Variants in FBXL17 observed in about 807,000 individuals in gnomAD.
The protein encoded by FBXL17 is F-box and leucine rich repeat protein 17.
Under a neutral mutation model 66.2 loss-of-function variants are expected in FBXL17, and 22 were observed. The ratio of observed to expected loss-of-function variants is 0.33; its 90% CI spans 0.24 to 0.47. The LOEUF (loss-of-function observed/expected upper bound fraction) is 0.47. FBXL17 is among the 20% of genes least tolerant of loss of function. The probability of loss-of-function intolerance (pLI) is 1.00; values close to 1 mark genes in which losing one functional copy is unlikely to be tolerated. For missense variants in FBXL17, 878 were observed against 948.2 expected (o/e 0.93, Z 0.97); for synonymous variants, 474 against 400.5 (o/e 1.18, Z -2.19).
chr5:108,026,442 G>A (rs1327656278), intron 6 of FBXL17, among the ~76,000 whole-genome samples: 3 of 152,012 alleles, frequency 2.0e-5, no homozygotes, highest in African/African-American at 7.3e-5. Context: ...CAATCCTATT[G>A]ACAACACAAT....
intron 7 of FBXL17, among the ~76,000 whole-genome samples, chr5:107,974,568 A>G (rs1201296533): frequency 1.3e-5 from 2 of 152,162 alleles, no homozygotes; most frequent in African/African-American, 4.8e-5. Context: ...TAACACACCT[A>G]GAGACAATTA....
At chr5:108,071,077 A>C (rs1377530541) in intron 6 of FBXL17, among the ~76,000 whole-genome samples, 1 of 152,250 alleles carries the variant, frequency 6.6e-6, no homozygotes, top group Non-Finnish European at 1.5e-5. Flanking sequence ...CTTGAGATAA[A>C]ATAAAAGAAC....
At chr5:108,326,400 C>A (rs1222039420) in intron 4 of FBXL17, among the ~76,000 whole-genome samples, 1 of 151,878 alleles carries the variant, frequency 6.6e-6, no homozygotes, top group Admixed American at 6.6e-5. Context: ...CAAGACCAGC[C>A]TGGCCAATAT....
intron 4 of FBXL17, among the ~76,000 whole-genome samples, chr5:108,323,964 G>A (rs887659240): frequency 2.6e-5 from 4 of 151,854 alleles, no homozygotes; most frequent in African/African-American, 9.7e-5. Context: ...TAAAACATAT[G>A]AATTAAAACT....
At chr5:108,005,276 A>G (rs191336486) in intron 7 of FBXL17, among the ~76,000 whole-genome samples, 1 of 152,260 alleles carries the variant, frequency 6.6e-6, no homozygotes, top group East Asian at 1.9e-4. Flanking sequence ...AAAGTATCAG[A>G]GTCCCAGGTG....
chr5:108,160,087 A>G (rs1308728535), intron 6 of FBXL17, among the ~76,000 whole-genome samples: 1 of 152,212 alleles, frequency 6.6e-6, no homozygotes, highest in Admixed American at 6.5e-5. Flanking sequence ...TAAAAGGGCT[A>G]ACCAGTGATT....
At chr5:108,207,156 A>C (rs941486993) in intron 5 of FBXL17, among the ~76,000 whole-genome samples, 1 of 152,084 alleles carries the variant, frequency 6.6e-6, no homozygotes, top group African/African-American at 2.4e-5. Context: ...ACCCCCTCAA[A>C]ATATCTTCTT....
At chr5:108,336,908 A>T (rs1760409829) in intron 4 of FBXL17, among the ~76,000 whole-genome samples, 1 of 152,170 alleles carries the variant, frequency 6.6e-6, no homozygotes. Context: ...TTATGTTTAA[A>T]GTTACTGACT....
chr5:108,124,084 G>A (rs1294806506), intron 6 of FBXL17, among the ~76,000 whole-genome samples: 1 of 152,064 alleles, frequency 6.6e-6, no homozygotes, highest in South Asian at 2.1e-4. Flanking sequence ...AACAAAATAA[G>A]AGAAGCATAT....
intron 8 of FBXL17, among the ~76,000 whole-genome samples, chr5:107,871,053 G>T (rs1748431072): frequency 2.5e-5 from 1 of 40,410 alleles, no homozygotes; most frequent in African/African-American, 2.3e-4. Flanking sequence ...TTACTCTTGG[G>T]CGGCAAAAAA....
At chr5:108,196,239 A>C (rs286761) in intron 5 of FBXL17, among the ~76,000 whole-genome samples, 2,795 of 151,994 alleles carry the variant, frequency 0.018, 87 homozygotes, top group African/African-American at 0.063. Context: ...AACAAACAAA[A>C]AAAAAACGCT....
intron 6 of FBXL17, among the ~76,000 whole-genome samples, chr5:108,100,751 A>G (rs1749568754): frequency 6.6e-6 from 1 of 152,192 alleles, no homozygotes; most frequent in African/African-American, 2.4e-5. Context: ...TGTTTTTAAG[A>G]GTAAAAATTA....
Position 107,860,548 on chromosome 5 carries a change from A to T in FBXL17, c.*1172T>A, listed in dbSNP as rs1748093901. 1 of 152,658 alleles carries T rather than the reference A, an allele frequency of 6.6e-6. No homozygotes were observed. Among genetic ancestry groups the T allele is most frequent in the Non-Finnish European group, 1.5e-5 (1 of 68,038 alleles). The allele number at this position is 152,658 out of a possible 1,614,324, so 9.5% of individuals were successfully genotyped here. On this transcript the variant is annotated 3_prime_UTR_variant, in exon 9 of 9. Coordinates refer to ENST00000542267, the MANE Select transcript of FBXL17 (RefSeq NM_001163315.3). The stretch of plus-strand genomic sequence containing the variant: ...AAACAAAGAAATGCTTATTTCTGAC[A>T]AGTGTAAACAGAATTTCAATGAACA...
chr5:107,881,267 A>G, intron 7 of FBXL17, 88 bp from the exon 8 acceptor site: 1 of 771,890 alleles, frequency 1.3e-6, no homozygotes, highest in Non-Finnish European at 2.0e-6. Context: ...TTTCCTCACT[A>G]AATTTGTTCC....
At chr5:108,361,444 T>G (rs1189404581) in intron 3 of FBXL17, among the ~76,000 whole-genome samples, 1 of 152,106 alleles carries the variant, frequency 6.6e-6, no homozygotes, top group Non-Finnish European at 1.5e-5. Flanking sequence ...TGGCCTTTAC[T>G]TCCTGCTTGT....
At chr5:107,974,044 G>T (rs1342138186) in intron 7 of FBXL17, among the ~76,000 whole-genome samples, 1 of 152,010 alleles carries the variant, frequency 6.6e-6, no homozygotes, top group Non-Finnish European at 1.5e-5. Flanking sequence ...GGGTAGATTT[G>T]CTATTTGCAA....
At chr5:108,166,950 T>C (rs1463179758) in intron 6 of FBXL17, among the ~76,000 whole-genome samples, 1 of 152,174 alleles carries the variant, frequency 6.6e-6, no homozygotes, top group Non-Finnish European at 1.5e-5. Context: ...AATGTAACTA[T>C]TAAAATATGT....
At chr5:108,199,296 A>C (rs1247651450) in intron 5 of FBXL17, among the ~76,000 whole-genome samples, 1 of 152,176 alleles carries the variant, frequency 6.6e-6, no homozygotes, top group African/African-American at 2.4e-5. Context: ...TATCCAAGAT[A>C]CAGCTTCAAA....
intron 4 of FBXL17, among the ~76,000 whole-genome samples, chr5:108,340,390 T>TAAA (rs375109990): frequency 7.7e-6 from 1 of 129,328 alleles, no homozygotes; most frequent in Non-Finnish European, 1.7e-5. Context: ...GTCTCTACTT[T>TAAA]AAAAAAAAAA....
Sources: gnomAD v4.1 joint callset for allele counts (sites outside exome capture counted in the v4.1 genomes callset) on GRCh38, gnomAD v4.1.1 for gene constraint, MANE v1.5 for transcripts, NCBI Gene and HGNC (gene_info 2026-07-23, HGNC 2026-07-21) for gene names.